Variants in KIRREL3 observed in about 807,000 individuals in gnomAD.
KIRREL3 encodes kin of IRRE-like protein 3.
Under a neutral mutation model 89.7 loss-of-function variants are expected in KIRREL3, and 36 were observed. That is an observed-to-expected ratio of 0.40 (90% CI 0.31 to 0.53). The LOEUF is 0.53. Among genes scored for constraint, KIRREL3 ranks in the 20% least tolerant of loss-of-function variants. The pLI is 0.49. For synonymous variants in KIRREL3, 445 were observed against 441.4 expected (o/e 1.01, Z -0.10); for missense variants, 864 against 1,056.6 (o/e 0.82, Z 2.53).
chr11:126,673,819 A>G (rs1459952091), intron 1 of KIRREL3, among the ~76,000 whole-genome samples: 1 of 152,200 alleles, frequency 6.6e-6, no homozygotes, highest in Non-Finnish European at 1.5e-5. Flanking sequence ...AGCTCTAAAC[A>G]CCGGGATGGA....
Position 126,639,860 on chromosome 11 carries a change from A to C in KIRREL3, c.56-76948T>G, listed in dbSNP as rs7948467. ...CTGGGATCTGAGAAGGCTTAGTTTG[A>C]TTACGCTTCATGGCCATCCAATCCA... On this transcript the variant is annotated intron_variant, in intron 1 of 16. Coordinates refer to ENST00000525144, the MANE Select transcript of KIRREL3 (RefSeq NM_032531.4). The surrounding 1 kb of genome is among the most constrained non-coding windows in gnomAD (Gnocchi z 4.3). Among the ~76,000 whole-genome samples, 71,520 of 152,014 alleles carry C rather than the reference A, an allele frequency of 0.47. 17,862 individuals carry two copies. Among genetic ancestry groups the C allele is most frequent in the East Asian group, 0.73 (3,743 of 5,156 alleles).
chr11:126,517,227 T>C (rs1958445469), intron 4 of KIRREL3, among the ~76,000 whole-genome samples: 1 of 151,858 alleles, frequency 6.6e-6, no homozygotes, highest in Non-Finnish European at 1.5e-5. Flanking sequence ...AACCCTCTAT[T>C]TTATAGATGA....
intron 1 of KIRREL3, among the ~76,000 whole-genome samples, chr11:126,875,262 G>GA (rs1013734328): frequency 8.6e-4 from 130 of 151,596 alleles, no homozygotes; most frequent in African/African-American, 2.4e-3. Flanking sequence ...GGGACAAAAT[G>GA]AAAAAAAACA....
At position 126,883,678 on chromosome 11, in the gene KIRREL3, T is replaced by C. The variant is rs1425405209; in HGVS notation, c.55+116777A>G. ...CTTCCTTACACATAGACTTTTTCCATTCCCACTTCACACTGTGAGGATCTC... is the reference window on the plus strand; with the variant it reads ...CTTCCTTACACATAGACTTTTTCCACTCCCACTTCACACTGTGAGGATCTC... On this transcript the variant is annotated intron_variant, in intron 1 of 16. Transcript: ENST00000525144. This position sits in a 1 kb window ranked among gnomAD's most constrained non-coding sequence, Gnocchi z 4.1. Among the ~76,000 whole-genome samples the C allele has an allele frequency of 3.9e-5, 6 of 152,138 alleles. No homozygotes were observed. The highest frequency in any genetic ancestry group is 7.4e-5 in the Non-Finnish European group (5 of 68,014).
intron 5 of KIRREL3, among the ~76,000 whole-genome samples, chr11:126,470,622 G>C (rs1395576831): frequency 6.6e-6 from 1 of 152,212 alleles, no homozygotes; most frequent in Non-Finnish European, 1.5e-5. Flanking sequence ...CTGGTGGGTA[G>C]GGGGAACCAG....
chr11:126,809,384 G>A (rs1431615316), intron 1 of KIRREL3, among the ~76,000 whole-genome samples: 1 of 152,126 alleles, frequency 6.6e-6, no homozygotes, highest in Non-Finnish European at 1.5e-5. Context: ...AATGTATGTT[G>A]GGTGACACAG....
intron 1 of KIRREL3, chr11:126,920,673 G>GTC (rs900237370): frequency 2.6e-5 from 4 of 152,010 alleles, no homozygotes; most frequent in African/African-American, 9.7e-5. Context: ...TTCCTCTTTG[G>GTC]TCTCTCTACT....
At chr11:126,803,887 A>T (rs1349728780) in intron 1 of KIRREL3, among the ~76,000 whole-genome samples, 5 of 152,236 alleles carry the variant, frequency 3.3e-5, no homozygotes, top group Admixed American at 1.3e-4. Flanking sequence ...ATCTGTTGCC[A>T]AGGCAATGGG....
chr11:126,707,497 C>T (rs911709722), intron 1 of KIRREL3, among the ~76,000 whole-genome samples: 6 of 152,064 alleles, frequency 3.9e-5, no homozygotes, highest in African/African-American at 1.4e-4. Flanking sequence ...ACTAACTGCC[C>T]AGGTATATAT....
chr11:126,825,589 T>G (rs998015163), intron 1 of KIRREL3, among the ~76,000 whole-genome samples: 2 of 152,230 alleles, frequency 1.3e-5, no homozygotes, highest in African/African-American at 4.8e-5. Flanking sequence ...AATCACAGGC[T>G]ACTGCTGTTA....
rs772720353 is a variant in KIRREL3 at position 126,906,899 on chromosome 11, T to G, written c.55+93556A>C. On this transcript the variant is annotated intron_variant, in intron 1 of 16. Coordinates refer to ENST00000525144, the MANE Select transcript of KIRREL3 (RefSeq NM_032531.4). The surrounding 1 kb of genome is among the most constrained non-coding windows in gnomAD (Gnocchi z 4.1). Reference sequence around the variant, plus strand: ...CTGAGCCCTACATTTTCTTTTTCTGTGTAATTCCATTTGATAAAGAAAAAG... The same window carrying G: ...CTGAGCCCTACATTTTCTTTTTCTGGGTAATTCCATTTGATAAAGAAAAAG... Among the ~76,000 whole-genome samples, 1 of 152,200 alleles carries G rather than the reference T, an allele frequency of 6.6e-6. No individual in the cohort carries two copies. The highest frequency in any genetic ancestry group is 6.5e-5 in the Admixed American group (1 of 15,284).
rs7926177 is a variant in KIRREL3, at chr11:126,995,139, C to T, written c.55+5316G>A. 0.073 allele frequency: 33,171 copies of T among 454,226 alleles called. 3,200 individuals carry two copies. Among genetic ancestry groups the T allele is most frequent in the East Asian group, 0.42 (6,000 of 14,330 alleles). The allele number at this position is 454,226 out of a possible 1,614,324, so 28.1% of individuals were successfully genotyped here. ...GCTGGCTTTGCTGCTCACTCCCTTA[C>T]GAATAGCTGTGATGGGATATGAAAT... On this transcript the variant is annotated intron_variant, in intron 1 of 16. Transcript: ENST00000525144. The surrounding 1 kb of genome is among the most constrained non-coding windows in gnomAD (Gnocchi z 6.5).
chr11:126,908,145 T>C lies in KIRREL3; in HGVS notation c.55+92310A>G, dbSNP rs887702782. Among the ~76,000 whole-genome samples the C allele has an allele frequency of 6.6e-6, 1 of 152,198 alleles. No homozygotes were observed. The highest frequency in any genetic ancestry group is 6.5e-5 in the Admixed American group (1 of 15,276). ...CCCTCCCGTCAGAATGCAAGTCCTA[T>C]GAAGGCAAATATCTGTTTTGTTTAC... On this transcript the variant is annotated intron_variant, in intron 1 of 16. Coordinates refer to ENST00000525144, the MANE Select transcript of KIRREL3 (RefSeq NM_032531.4). The surrounding 1 kb of genome is among the most constrained non-coding windows in gnomAD (Gnocchi z 4.2).
intron 1 of KIRREL3, among the ~76,000 whole-genome samples, chr11:126,825,924 T>C (rs1943390710): frequency 6.6e-6 from 1 of 152,206 alleles, no homozygotes; most frequent in South Asian, 2.1e-4. Context: ...GCAACCCTCT[T>C]GAGGAATAAT....
rs1947966588 is a variant in KIRREL3, at chr11:126,931,999, G to A, written c.55+68456C>T. ...AGAAAAGAAGAGAAAGAATAAGAAT[G>A]TATCAAGGAGGCTTGGTATTGATTT... On this transcript the variant is annotated intron_variant, in intron 1 of 16. Coordinates refer to ENST00000525144, the MANE Select transcript of KIRREL3 (RefSeq NM_032531.4). This position sits in a 1 kb window ranked among gnomAD's most constrained non-coding sequence, Gnocchi z 5.1. Among the ~76,000 whole-genome samples the A allele has an allele frequency of 6.6e-6, 1 of 152,200 alleles. No homozygotes were observed. The highest frequency in any genetic ancestry group is 2.4e-5 in the African/African-American group (1 of 41,452).
At position 126,969,849 on chromosome 11, in the gene KIRREL3, T is replaced by C. The variant is rs1949379987; in HGVS notation, c.55+30606A>G. Among the ~76,000 whole-genome samples, 1 of 152,142 alleles carries C rather than the reference T, an allele frequency of 6.6e-6. No homozygotes were observed. The highest frequency in any genetic ancestry group is 2.4e-5 in the African/African-American group (1 of 41,422). ...AGCCTTTCCCTTCTCTTCTCCTTTC[T>C]CTCTACTCTGCATGGAAATGCAAAA... On this transcript the variant is annotated intron_variant, in intron 1 of 16. Transcript: ENST00000525144. This position sits in a 1 kb window ranked among gnomAD's most constrained non-coding sequence, Gnocchi z 4.9.
rs1222591618 is a variant in KIRREL3 at position 126,516,023 on chromosome 11, C to T, written c.433+5292G>A. Among the ~76,000 whole-genome samples the T allele has an allele frequency of 3.9e-5, 6 of 152,118 alleles. No homozygotes were observed. Among genetic ancestry groups the T allele is most frequent in the Non-Finnish European group, 8.8e-5 (6 of 68,034 alleles). On this transcript the variant is annotated intron_variant, in intron 4 of 16. Coordinates refer to ENST00000525144, the MANE Select transcript of KIRREL3 (RefSeq NM_032531.4). This position sits in a 1 kb window ranked among gnomAD's most constrained non-coding sequence, Gnocchi z 4.9. ...ATGGGAGATTGGGGGAGGCTGCCAACGCGGTGGGCTGAGGAGGCCCTGCAG... is the reference window on the plus strand; with the variant it reads ...ATGGGAGATTGGGGGAGGCTGCCAATGCGGTGGGCTGAGGAGGCCCTGCAG...
chr11:126,461,577 C>T (rs1054487023), intron 6 of KIRREL3, among the ~76,000 whole-genome samples: 1 of 152,156 alleles, frequency 6.6e-6, no homozygotes, highest in Non-Finnish European at 1.5e-5. Context: ...TAAAGTCCCC[C>T]CCGCCCCAAG....
rs542321713 is a variant in KIRREL3 at position 126,835,756 on chromosome 11, A to G, written c.55+164699T>C. On this transcript the variant is annotated intron_variant, in intron 1 of 16. Coordinates refer to ENST00000525144, the MANE Select transcript of KIRREL3 (RefSeq NM_032531.4). ...CTAAAGAGGTCTGGCTTTTGCCAGT[A>G]CCTTTGCTAGTGTCTCTAGTGCCTT... 1.1e-4 allele frequency among the ~76,000 whole-genome samples: 17 copies of G among 152,260 alleles called. No homozygotes were observed. In the South Asian group the frequency reaches 3.5e-3, roughly 32 times the overall value.
Sources: gnomAD v4.1 joint callset for allele counts (sites outside exome capture counted in the v4.1 genomes callset) on GRCh38, gnomAD v4.1.1 for gene constraint, Gnocchi (gnomAD v3.1) non-coding constraint, MANE v1.5 for transcripts, NCBI Gene and HGNC (gene_info 2026-07-23, HGNC 2026-07-21) for gene names.